Variants in ARB2A observed in about 807,000 individuals in gnomAD.
The protein encoded by ARB2A is cotranscriptional regulator ARB2A.
At chr5:93,658,727 A>G in the ARB2A span, among the ~76,000 whole-genome samples, 12 of 152,118 alleles carry the variant, frequency 7.9e-5, no homozygotes, top group Non-Finnish European at 1.6e-4. Context: ...TGAGAAAGAT[A>G]TTGTCAGCCA....
chr5:93,931,188 G>A, the ARB2A span, among the ~76,000 whole-genome samples: 3 of 152,220 alleles, frequency 2.0e-5, no homozygotes, highest in East Asian at 1.9e-4. Flanking sequence ...AAACCCCACC[G>A]GGCGCAGTGA....
chr5:94,067,802 AAT>A, the ARB2A span, among the ~76,000 whole-genome samples: 2 of 152,184 alleles, frequency 1.3e-5, no homozygotes, highest in African/African-American at 4.8e-5. Flanking sequence ...TCCTCACAGA[AAT>A]AGAGAAAAAC....
the ARB2A span, among the ~76,000 whole-genome samples, chr5:93,875,769 C>A: frequency 6.6e-6 from 1 of 150,652 alleles, no homozygotes; most frequent in Non-Finnish European, 1.5e-5. Context: ...TCTTTTTCTT[C>A]TTTCCAGCTA....
At chr5:94,048,778 C>A in the ARB2A span, among the ~76,000 whole-genome samples, 1 of 152,174 alleles carries the variant, frequency 6.6e-6, no homozygotes, top group Non-Finnish European at 1.5e-5. Context: ...ATCTTTTTAT[C>A]CTGGACAACA....
the ARB2A span, among the ~76,000 whole-genome samples, chr5:93,715,179 A>T: frequency 1.3e-5 from 2 of 152,334 alleles, no homozygotes; most frequent in African/African-American, 4.8e-5. Flanking sequence ...TGTATATATA[A>T]TCAAAAGAGG....
the ARB2A span, among the ~76,000 whole-genome samples, chr5:93,840,508 C>T: frequency 1.3e-5 from 2 of 152,096 alleles, no homozygotes; most frequent in Admixed American, 1.3e-4. Context: ...ACCTGTTTTT[C>T]TCAAGCCAAA....
the ARB2A span, among the ~76,000 whole-genome samples, chr5:93,784,858 C>CG: frequency 1.3e-5 from 2 of 152,224 alleles, no homozygotes; most frequent in East Asian, 1.9e-4. Flanking sequence ...AGTTAGTACC[C>CG]GGGGTTCACT....
At chr5:93,774,970 T>C in the ARB2A span, among the ~76,000 whole-genome samples, 1 of 152,264 alleles carries the variant, frequency 6.6e-6, no homozygotes, top group East Asian at 1.9e-4. Flanking sequence ...ATAACTAGCA[T>C]AAATAATGAA....
chr5:93,718,639 G>A, the ARB2A span, among the ~76,000 whole-genome samples: 1 of 151,996 alleles, frequency 6.6e-6, no homozygotes, highest in Non-Finnish European at 1.5e-5. Context: ...TATATAATTT[G>A]TTCCCAGGAA....
chr5:94,028,826 T>C, the ARB2A span, among the ~76,000 whole-genome samples: 3 of 152,302 alleles, frequency 2.0e-5, no homozygotes, highest in Admixed American at 2.0e-4. Flanking sequence ...CTAAATAGTT[T>C]ACATGTATCT....
the ARB2A span, among the ~76,000 whole-genome samples, chr5:94,081,587 T>C: frequency 3.9e-5 from 6 of 152,104 alleles, no homozygotes; most frequent in African/African-American, 1.2e-4. Context: ...ATGAAGCCAA[T>C]TACCAAAAAA....
the ARB2A span, among the ~76,000 whole-genome samples, chr5:93,659,068 A>C: frequency 6.6e-6 from 1 of 152,054 alleles, no homozygotes; most frequent in Non-Finnish European, 1.5e-5. Flanking sequence ...CTATATATTC[A>C]CTGTTGTATA....
At chr5:94,019,996 A>C in the ARB2A span, among the ~76,000 whole-genome samples, 1 of 152,212 alleles carries the variant, frequency 6.6e-6, no homozygotes, top group South Asian at 2.1e-4. Flanking sequence ...TCACAATAGC[A>C]AAGACTTGGA....
chr5:93,872,174 C>A, the ARB2A span, among the ~76,000 whole-genome samples: 3 of 152,018 alleles, frequency 2.0e-5, no homozygotes, highest in African/African-American at 7.2e-5. Flanking sequence ...TCTTGAAATC[C>A]TGACTTCAAG....
At chr5:94,026,478 T>C in the ARB2A span, among the ~76,000 whole-genome samples, 2 of 152,094 alleles carry the variant, frequency 1.3e-5, no homozygotes, top group African/African-American at 4.8e-5. Context: ...ATGATTTTTC[T>C]CCCAGTGTGG....
At chr5:93,855,048 G>T in the ARB2A span, among the ~76,000 whole-genome samples, 5 of 152,288 alleles carry the variant, frequency 3.3e-5, no homozygotes, top group South Asian at 1.0e-3. Context: ...GTCTAATGTT[G>T]ATAGTGGGGT....
At chr5:93,662,649 T>C in the ARB2A span, among the ~76,000 whole-genome samples, 3 of 152,192 alleles carry the variant, frequency 2.0e-5, no homozygotes, top group Admixed American at 2.0e-4. Context: ...TCACAATTTT[T>C]CATGTGTGCC....
At chr5:93,908,151 T>C in the ARB2A span, among the ~76,000 whole-genome samples, 1 of 150,976 alleles carries the variant, frequency 6.6e-6, no homozygotes, top group African/African-American at 2.4e-5. Flanking sequence ...CTGATGAATA[T>C]AAATAAATGA....
the ARB2A span, among the ~76,000 whole-genome samples, chr5:94,064,000 T>C: frequency 6.6e-6 from 1 of 151,486 alleles, no homozygotes; most frequent in East Asian, 1.9e-4. Flanking sequence ...CAGATTCCAA[T>C]CAAAGAGAAA....
Sources: allele counts gnomAD v4.1 joint callset (sites outside exome capture counted in the v4.1 genomes callset), GRCh38; gene constraint gnomAD v4.1.1; transcripts MANE v1.5; gene names NCBI Gene and HGNC (gene_info 2026-07-23, HGNC 2026-07-21).